The following UNC5D variants were observed in gnomAD, a reference collection of about 807,000 sequenced individuals.
UNC5D encodes unc-5 netrin receptor D.
In UNC5D, 39 loss-of-function variants were observed where a neutral mutation model predicts 105.4. The observed-to-expected ratio is 0.37, with a 90% CI of 0.29 to 0.48. The LOEUF (loss-of-function observed/expected upper bound fraction) is 0.48. UNC5D is among the 20% of genes least tolerant of loss of function. The pLI is 0.98. For synonymous variants in UNC5D, 452 were observed against 450.4 expected (o/e 1.00, Z -0.04); for missense variants, 991 against 1,202.4 (o/e 0.82, Z 2.60).
chr8:35,772,894 G>A (rs1802072212), intron 15 of UNC5D, among the ~76,000 whole-genome samples: 1 of 151,668 alleles, frequency 6.6e-6, no homozygotes, highest in Non-Finnish European at 1.5e-5. Context: ...GTTGGCCAGA[G>A]GTCACTCAGC....
At chr8:35,440,648 C>T (rs976273017) in intron 1 of UNC5D, among the ~76,000 whole-genome samples, 14 of 152,024 alleles carry the variant, frequency 9.2e-5, no homozygotes, top group African/African-American at 3.4e-4. Flanking sequence ...ATCTCCTCCC[C>T]AAAGCCTTCC....
At chr8:35,432,603 G>A (rs1330513575) in intron 1 of UNC5D, among the ~76,000 whole-genome samples, 2 of 152,144 alleles carry the variant, frequency 1.3e-5, no homozygotes, top group African/African-American at 4.8e-5. Flanking sequence ...ATAATTCTAT[G>A]CAACTAATGT....
chr8:35,544,490 G>C, intron 1 of UNC5D: 1 of 1,613,862 alleles, frequency 6.2e-7, no homozygotes, highest in Non-Finnish European at 8.5e-7. Flanking sequence ...TGTCTGTGCT[G>C]GGACTTCCGG....
At chr8:35,366,014 C>G (rs1468265504) in intron 1 of UNC5D, among the ~76,000 whole-genome samples, 1 of 152,020 alleles carries the variant, frequency 6.6e-6, no homozygotes, top group African/African-American at 2.4e-5. Flanking sequence ...GTCACTGAAA[C>G]AAATTATAAG....
intron 1 of UNC5D, among the ~76,000 whole-genome samples, chr8:35,314,279 C>T (rs892413865): frequency 3.3e-5 from 5 of 152,060 alleles, no homozygotes; most frequent in Admixed American, 1.3e-4. Context: ...TCGATCGAAA[C>T]GAACATGAGT....
intron 1 of UNC5D, among the ~76,000 whole-genome samples, chr8:35,502,604 G>A (rs971832310): frequency 1.3e-5 from 2 of 152,116 alleles, no homozygotes; most frequent in African/African-American, 4.8e-5. Flanking sequence ...TGTTGCCCAG[G>A]CTAGAGTGCA....
intron 15 of UNC5D, among the ~76,000 whole-genome samples, chr8:35,769,761 A>G (rs1801927892): frequency 6.6e-6 from 1 of 152,100 alleles, no homozygotes; most frequent in Admixed American, 6.5e-5. Context: ...TCAGGAGATC[A>G]AGACCATCCT....
chr8:35,549,545 G>T, intron 2 of UNC5D, 35 bp downstream of exon 2: 1 of 1,584,266 alleles, frequency 6.3e-7, no homozygotes. Context: ...CAGCTGTGGT[G>T]ACTCTTTAGG....
At chr8:35,401,762 A>T (rs1010628416) in intron 1 of UNC5D, among the ~76,000 whole-genome samples, 53 of 152,290 alleles carry the variant, frequency 3.5e-4, no homozygotes, top group Admixed American at 2.4e-3. Context: ...ATTAAAGAAA[A>T]AAACATCTCT....
chr8:35,725,858 G>A (rs537412774), intron 9 of UNC5D, among the ~76,000 whole-genome samples: 2 of 152,170 alleles, frequency 1.3e-5, no homozygotes, highest in South Asian at 2.1e-4. Context: ...ACCTGAGTTC[G>A]TTGCCAGAGA....
chr8:35,602,438 T>C (rs1382620532), intron 4 of UNC5D, among the ~76,000 whole-genome samples: 2 of 152,190 alleles, frequency 1.3e-5, no homozygotes, highest in Non-Finnish European at 2.9e-5. Context: ...CTGGACTTTT[T>C]TTGGTTGGTA....
intron 16 of UNC5D, among the ~76,000 whole-genome samples, chr8:35,783,923 TAA>T (rs976019841): frequency 2.6e-5 from 4 of 152,194 alleles, no homozygotes; most frequent in Non-Finnish European, 5.9e-5. Flanking sequence ...TCCTCAAATC[TAA>T]AGTTTTATTA....
At chr8:35,651,476 G>T (rs1221704226) in intron 4 of UNC5D, among the ~76,000 whole-genome samples, 1 of 152,206 alleles carries the variant, frequency 6.6e-6, no homozygotes, top group Non-Finnish European at 1.5e-5. Context: ...GATTCTGAAT[G>T]GGTGGCCTGA....
At chr8:35,250,191 C>A (rs980335879) in intron 1 of UNC5D, among the ~76,000 whole-genome samples, 3 of 152,202 alleles carry the variant, frequency 2.0e-5, no homozygotes, top group South Asian at 2.1e-4. Context: ...AGTTCTCAGT[C>A]AGCTGATGCC....
intron 3 of UNC5D, among the ~76,000 whole-genome samples, chr8:35,577,709 A>T (rs1001004348): frequency 6.6e-6 from 1 of 152,204 alleles, no homozygotes; most frequent in Non-Finnish European, 1.5e-5. Flanking sequence ...TTTCAGGAAA[A>T]CTGGATATTT....
chr8:35,619,859 T>C (rs1821245783), intron 4 of UNC5D, among the ~76,000 whole-genome samples: 1 of 152,208 alleles, frequency 6.6e-6, no homozygotes, highest in Admixed American at 6.5e-5. Context: ...TCTTTTGTTC[T>C]TTCTACTGCA....
At chr8:35,313,891 G>C (rs72633555) in intron 1 of UNC5D, among the ~76,000 whole-genome samples, 3 of 152,116 alleles carry the variant, frequency 2.0e-5, no homozygotes, top group East Asian at 1.9e-4. Flanking sequence ...AATGTAGCCC[G>C]TTGTCATTAT....
intron 1 of UNC5D, among the ~76,000 whole-genome samples, chr8:35,367,144 A>G (rs975903279): frequency 6.6e-6 from 1 of 152,168 alleles, no homozygotes; most frequent in African/African-American, 2.4e-5. Context: ...AGTAAAGAGC[A>G]TTTCCAACTT....
At chr8:35,536,551 C>T (rs910614070) in intron 1 of UNC5D, among the ~76,000 whole-genome samples, 4 of 152,172 alleles carry the variant, frequency 2.6e-5, no homozygotes, top group African/African-American at 7.2e-5. Context: ...ATGTTCTTCC[C>T]TGCACAAGAC....
Sources: allele counts gnomAD v4.1 joint callset (sites outside exome capture counted in the v4.1 genomes callset), GRCh38; gene constraint gnomAD v4.1.1; transcripts MANE v1.5; gene names NCBI Gene and HGNC (gene_info 2026-07-23, HGNC 2026-07-21).